The following MTSS2 variants were observed in gnomAD, a reference collection of about 807,000 sequenced individuals.
MTSS2 encodes the protein MTSS I-BAR domain containing 2, also known as protein MTSS 2.
Under a neutral mutation model 67.1 loss-of-function variants are expected in MTSS2, and 27 were observed. That is an observed-to-expected ratio of 0.40 (90% confidence interval 0.30 to 0.55). MTSS2 has a LOEUF of 0.55. Ranked by LOEUF, MTSS2 falls within the 20% of genes least tolerant of loss-of-function variation. MTSS2 has a pLI of 0.43. For missense variants in MTSS2, 1,171 were observed against 1,067.8 expected, an observed-to-expected ratio of 1.10 and a Z score of -1.35; for synonymous variants, 624 against 468.6, an observed-to-expected ratio of 1.33 and a Z score of -4.28.
Position 70,663,687 on chromosome 16 carries a change from C to A in MTSS2, c.2234G>T (p.Arg745Leu). Residue 745 changes from arginine (R) to leucine (L), a missense_variant, in exon 15 of 15, where the codon CGC (arginine) becomes CTC (leucine). By Grantham distance (102) the Arg-to-Leu change is moderately radical (BLOSUM62 -2). Transcript: ENST00000338779. ...RTVTNDRSAP[R>L]IL ...GGGAGGGTGGCGCCATCATAAGATGCGGGGCGCCGACCTGTCGTTGGTGAC... is the reference window on the plus strand; with the variant it reads ...GGGAGGGTGGCGCCATCATAAGATGAGGGGCGCCGACCTGTCGTTGGTGAC... The A allele has an allele frequency of 6.3e-7, 1 of 1,582,818 alleles. No homozygotes were observed. Among genetic ancestry groups the A allele is most frequent in the Non-Finnish European group, 8.6e-7 (1 of 1,165,550 alleles).
chr16:70,673,048 C>A (rs1388966301), intron 11 of MTSS2, among the ~76,000 whole-genome samples: 1 of 152,098 alleles, frequency 6.6e-6, no homozygotes, highest in Non-Finnish European at 1.5e-5. Flanking sequence ...ATAGTCCCAG[C>A]TGCTTTGGAG....
At chr16:70,680,745 C>G (rs780871339) in intron 3 of MTSS2, 49 bp downstream of exon 3, 6 of 1,516,014 alleles carry the variant, frequency 4.0e-6, no homozygotes, top group Non-Finnish European at 5.4e-6. Context: ...TTTCCAGCCT[C>G]CAGGCCCACC....
At chr16:70,669,212 T>C (rs1190047414) in intron 11 of MTSS2, among the ~76,000 whole-genome samples, 1 of 152,048 alleles carries the variant, frequency 6.6e-6, no homozygotes. Context: ...AAGACCCCCA[T>C]TAAGACAATA....
At chr16:70,673,433 C>T (rs1409518717) in intron 11 of MTSS2, among the ~76,000 whole-genome samples, 2 of 152,184 alleles carry the variant, frequency 1.3e-5, no homozygotes, top group Non-Finnish European at 2.9e-5. Flanking sequence ...TGGAAGACAA[C>T]TGTCACCCCA....
At chr16:70,677,042 C>G in intron 9 of MTSS2, 64 bp from the exon 10 acceptor site, 4 of 1,251,768 alleles carry the variant, frequency 3.2e-6, no homozygotes, top group South Asian at 2.7e-5. Flanking sequence ...GGCCAGAGGC[C>G]CCCCCCCACT....
intron 11 of MTSS2, among the ~76,000 whole-genome samples, chr16:70,669,226 A>T (rs1159989088): frequency 2.6e-5 from 4 of 152,228 alleles, no homozygotes; most frequent in Non-Finnish European, 5.9e-5. Context: ...GACAATAAAA[A>T]GGTACCCAAT....
Position 70,664,989 on chromosome 16 carries a change from C to A in MTSS2, c.1236G>T (p.Gly412=). The change falls in exon 13 of 15, where the codon GGG becomes GGT. Residue 412 remains glycine, a synonymous_variant. Coordinates refer to ENST00000338779, the MANE Select transcript of MTSS2 (RefSeq NM_138383.3). ...LRDTEPGPAS[G]GTLGPSGEEA... is the part of the protein sequence containing the mutation. ...CTTCCCCGCTGGGGCCCAGGGTGCC[C>A]CCACTGGCAGGGCCTGGCTCTGTGT... 6.3e-7 allele frequency: 1 copy of A among 1,589,514 alleles called. No individual in the cohort carries two copies. The highest frequency in any genetic ancestry group is 8.5e-7 in the Non-Finnish European group (1 of 1,176,270).
At chr16:70,679,736 G>C in intron 5 of MTSS2, 32 bp from the exon 6 acceptor site, 1 of 1,610,056 alleles carries the variant, frequency 6.2e-7, no homozygotes, top group Non-Finnish European at 8.5e-7. Flanking sequence ...CGCTCTAATG[G>C]GGTCCCTGCG....
At chr16:70,670,002 G>A (rs539281317) in intron 11 of MTSS2, among the ~76,000 whole-genome samples, 1 of 152,282 alleles carries the variant, frequency 6.6e-6, no homozygotes, top group South Asian at 2.1e-4. Context: ...CAGGTGTGGT[G>A]GCTCATGCCT....
intron 12 of MTSS2, 25 bp downstream of exon 12, chr16:70,665,441 C>T (rs1365994961): frequency 2.6e-6 from 4 of 1,545,926 alleles, no homozygotes; most frequent in African/African-American, 1.4e-5. Context: ...GGTGACTGTC[C>T]TGGGGCCGGG....
At position 70,676,925 on chromosome 16, in the gene MTSS2, G is replaced by A. The variant is rs1167964842; in HGVS notation, c.786C>T (p.Pro262=). The change falls in exon 10 of 15, where the codon CCC becomes CCT. Residue 262 remains proline (P), a synonymous_variant. Coordinates refer to ENST00000338779, the MANE Select transcript of MTSS2 (RefSeq NM_138383.3). Reference sequence around the variant, plus strand: ...GGGAGCTGGAGCTGCTGGGTGATGAGGGTGGGGTCTGGTAGGACCAGCTGT... The same window carrying A: ...GGGAGCTGGAGCTGCTGGGTGATGAAGGTGGGGTCTGGTAGGACCAGCTGT... ...SDYSWSYQTP[P]SSPSSSSSRK... is the part of the protein sequence containing the mutation. 1.9e-6 allele frequency: 3 copies of A among 1,613,872 alleles called. No homozygotes were observed. Among genetic ancestry groups the A allele is most frequent in the Non-Finnish European group, 1.7e-6 (2 of 1,180,004 alleles).
intron 1 of MTSS2, among the ~76,000 whole-genome samples, chr16:70,682,469 G>T (rs2053332068): frequency 6.6e-6 from 1 of 151,950 alleles, no homozygotes; most frequent in African/African-American, 2.4e-5. Context: ...GGTGGAGGGG[G>T]GTCCAGAGCC....
intron 1 of MTSS2, among the ~76,000 whole-genome samples, chr16:70,682,307 C>T (rs1012441013): frequency 2.6e-5 from 4 of 152,300 alleles, no homozygotes; most frequent in East Asian, 3.9e-4. Flanking sequence ...TGTTCCTAGC[C>T]GTCCCAAGGA....
chr16:70,662,860 A>T lies in MTSS2; in HGVS notation c.*817T>A, dbSNP rs192718953. ...TTAAAAGATTGATGTACCCAATGAG[A>T]AGTGGACATCTGAAAACGGTGCCTG... On this transcript the variant is annotated 3_prime_UTR_variant, in exon 15 of 15. Transcript: ENST00000338779. The T allele has an allele frequency of 3.3e-5, 5 of 152,524 alleles. No homozygotes were observed. The highest frequency in any genetic ancestry group is 1.2e-4 in the African/African-American group (5 of 41,586). The allele number at this position is 152,524 out of a possible 1,614,324, so 9.4% of individuals were successfully genotyped here. A position where few individuals can be genotyped will look rare whatever the true frequency, so the allele number is the denominator to read the frequency against.
At chr16:70,674,233 G>T in intron 11 of MTSS2, 73 bp downstream of exon 11, 7 of 1,381,476 alleles carry the variant, frequency 5.1e-6, no homozygotes, top group South Asian at 1.3e-5. Flanking sequence ...TAGTAGTCCC[G>T]CATGTGGCTT....
intron 9 of MTSS2, 134 bp downstream of exon 9, chr16:70,677,658 G>A: frequency 1.5e-6 from 1 of 676,396 alleles, no homozygotes; most frequent in Non-Finnish European, 2.5e-6. Flanking sequence ...GTGGGTGTCA[G>A]AAGGGGTCTG....
At chr16:70,685,197 G>T (rs1321360857) in intron 1 of MTSS2, among the ~76,000 whole-genome samples, 3 of 151,700 alleles carry the variant, frequency 2.0e-5, no homozygotes, top group Middle Eastern at 3.2e-3. Flanking sequence ...GCTTCCTGGG[G>T]CTGTGGGGGT....
At position 70,664,714 on chromosome 16, in the gene MTSS2, G is replaced by C; in HGVS notation, c.1355C>G (p.Thr452Arg). 10 of 1,613,142 alleles carry C rather than the reference G, an allele frequency of 6.2e-6. No homozygotes were observed. Among genetic ancestry groups the C allele is most frequent in the Non-Finnish European group, 8.5e-6 (10 of 1,179,812 alleles). The change falls in exon 14 of 15, where the codon ACG becomes AGG. Residue 452 changes from threonine (T) to arginine (R), a missense_variant. Thr to Arg is a moderately conservative substitution (Grantham distance 71). Transcript: ENST00000338779. ...CTGGTGCTCCAGGCTCAGGCCCCGCGTCAGCACCATGGCCAGGTCACTGGC... is the reference window on the plus strand; with the variant it reads ...CTGGTGCTCCAGGCTCAGGCCCCGCCTCAGCACCATGGCCAGGTCACTGGC... ...PAASDLAMVLTRGLSLEHQKS... is the reference protein window; with the variant it reads ...PAASDLAMVLRRGLSLEHQKS...
intron 1 of MTSS2, 150 bp from the exon 2 acceptor site, chr16:70,681,175 C>G (rs11862112): frequency 1.4e-6 from 1 of 719,438 alleles, no homozygotes; most frequent in Non-Finnish European, 2.2e-6. Flanking sequence ...TGGGTCCTCT[C>G]GGAGGGCAGA....
Sources: gnomAD v4.1 joint callset for allele counts (sites outside exome capture counted in the v4.1 genomes callset) on GRCh38, gnomAD v4.1.1 for gene constraint, MANE v1.5 for transcripts, NCBI Gene and HGNC (gene_info 2026-07-23, HGNC 2026-07-21) for gene names.